HERC3: variants seen among roughly 807,000 people sequenced by gnomAD.
The protein encoded by HERC3 is probable E3 ubiquitin-protein ligase HERC3.
In HERC3, 58 loss-of-function variants were observed where a neutral mutation model predicts 129.9. That is an observed-to-expected ratio of 0.45 (90% CI 0.36 to 0.56). The LOEUF (loss-of-function observed/expected upper bound fraction) is 0.56, where lower values mean the gene tolerates loss of function less well. HERC3 is among the 20% of genes least tolerant of loss of function. HERC3 has a pLI of 0.00. For synonymous variants in HERC3, 430 were observed against 451.0 expected (o/e 0.95, Z 0.59); for missense variants, 835 against 1,244.2 (o/e 0.67, Z 4.95).
At chr4:88,672,585 T>C (rs1199470294) in intron 16 of HERC3, among the ~76,000 whole-genome samples, 1 of 152,248 alleles carries the variant, frequency 6.6e-6, no homozygotes, top group East Asian at 1.9e-4. Context: ...TTGGCATTTT[T>C]AGCTTGTTAA....
At chr4:88,678,196 T>G in intron 19 of HERC3, 62 bp downstream of exon 19, 1 of 1,424,930 alleles carries the variant, frequency 7.0e-7, no homozygotes, top group African/African-American at 1.4e-5. Flanking sequence ...CAGTGTTGAT[T>G]AAGCAGCAGT....
intron 9 of HERC3, among the ~76,000 whole-genome samples, chr4:88,658,095 A>C (rs1730113196): frequency 6.6e-6 from 1 of 152,204 alleles, no homozygotes; most frequent in Non-Finnish European, 1.5e-5. Context: ...TGTTACCATA[A>C]AGAATAGTGC....
intron 12 of HERC3, among the ~76,000 whole-genome samples, chr4:88,664,605 G>A (rs1460332967): frequency 1.3e-5 from 2 of 152,158 alleles, no homozygotes; most frequent in African/African-American, 4.8e-5. Context: ...ATTACCGAGA[G>A]AGACTGTATC....
At chr4:88,616,262 A>G (rs532785898) in intron 3 of HERC3, among the ~76,000 whole-genome samples, 12 of 152,338 alleles carry the variant, frequency 7.9e-5, no homozygotes, top group African/African-American at 2.6e-4. Context: ...CTGATTATCC[A>G]CATATGGACA....
intron 10 of HERC3, among the ~76,000 whole-genome samples, chr4:88,660,805 G>T (rs1307599213): frequency 2.0e-5 from 3 of 152,016 alleles, no homozygotes; most frequent in African/African-American, 7.3e-5. Context: ...CTGCCTACTG[G>T]AATCACCTGG....
At chr4:88,577,883 A>G in the HERC3 span, among the ~76,000 whole-genome samples, 1 of 152,268 alleles carries the variant, frequency 6.6e-6, no homozygotes, top group East Asian at 1.9e-4. Flanking sequence ...TAGAGCTTCA[A>G]ATGACTTTAG....
chr4:88,581,576 G>T, the HERC3 span, among the ~76,000 whole-genome samples: 2 of 151,960 alleles, frequency 1.3e-5, no homozygotes, highest in Non-Finnish European at 2.9e-5. Flanking sequence ...AAAGTATTGG[G>T]ATTACAGGTG....
At chr4:88,577,977 TA>T in the HERC3 span, among the ~76,000 whole-genome samples, 1 of 152,204 alleles carries the variant, frequency 6.6e-6, no homozygotes, top group Non-Finnish European at 1.5e-5. Context: ...TCTGTAACAC[TA>T]GAAGATTCAT....
At chr4:88,676,133 T>G in intron 16 of HERC3, 85 bp from the exon 17 acceptor site, 1 of 1,012,332 alleles carries the variant, frequency 9.9e-7, no homozygotes, top group East Asian at 2.4e-5. Flanking sequence ...GGTTCTGTGT[T>G]TTGTTATTTA....
chr4:88,674,391 G>GT (rs2149307373), intron 16 of HERC3, among the ~76,000 whole-genome samples: 1 of 152,332 alleles, frequency 6.6e-6, no homozygotes, highest in South Asian at 2.1e-4. Flanking sequence ...CTCGGACTCT[G>GT]TAATGCCAGA....
At chr4:88,537,621 A>G in the HERC3 span, among the ~76,000 whole-genome samples, 41 of 152,318 alleles carry the variant, frequency 2.7e-4, 1 homozygote, top group Middle Eastern at 6.8e-3. Context: ...TACAGGGATG[A>G]GGTTATATTG....
Position 88,605,930 on chromosome 4 carries a change from T to C in HERC3, c.107T>C (p.Val36Ala). 6.2e-7 allele frequency: 1 copy of C among 1,614,100 alleles called. No homozygotes were observed. The part of the protein sequence containing the change: ...QVCGFISDRS[V>A]KEVACGGNHS... The stretch of plus-strand genomic sequence containing the variant: ...TGTGGGTTCATATCTGACAGAAGTG[T>C]CAAGGAAGTGGCCTGTGGGGGAAAC... The change falls in exon 3 of 26, where the codon GTC becomes GCC. Residue 36 changes from valine to alanine, a missense_variant. Val to Ala is a moderately conservative substitution (Grantham distance 64). Transcript: ENST00000402738.
At chr4:88,563,375 G>T in the HERC3 span, among the ~76,000 whole-genome samples, 4 of 152,096 alleles carry the variant, frequency 2.6e-5, no homozygotes, top group Admixed American at 2.6e-4. Flanking sequence ...TACTGAATTT[G>T]TTTATCAGTG....
chr4:88,633,478 G>A (rs1225582811), intron 3 of HERC3, among the ~76,000 whole-genome samples: 1 of 152,132 alleles, frequency 6.6e-6, no homozygotes. Context: ...TTGATTCTAA[G>A]TAAGCTCTGA....
At chr4:88,530,848 A>G in the HERC3 span, among the ~76,000 whole-genome samples, 2 of 152,032 alleles carry the variant, frequency 1.3e-5, no homozygotes, top group African/African-American at 4.8e-5. Flanking sequence ...GAGGAATAGT[A>G]TTTTATTTTT....
the HERC3 span, among the ~76,000 whole-genome samples, chr4:88,547,112 ATAT>A: frequency 2.0e-5 from 3 of 152,206 alleles, no homozygotes; most frequent in Non-Finnish European, 4.4e-5. Flanking sequence ...GTTTAAGACA[ATAT>A]TATGTTTAAT....
rs565043266 is a variant in HERC3, at chr4:88,693,848, T to A, written c.2657+6549T>A. 2.6e-4 allele frequency among the ~76,000 whole-genome samples: 39 copies of A among 152,362 alleles called. 1 individual carries two copies. The highest frequency in any genetic ancestry group is 9.1e-4 in the African/African-American group (38 of 41,582). On this transcript the variant is annotated intron_variant, in intron 23 of 25. Transcript: ENST00000402738. The stretch of plus-strand genomic sequence containing the variant: ...GCCAGTTATTTTGTGCTTTGTTGAC[T>A]AATTTTGGCCTATAATAGGTTAAAA...
At chr4:88,647,798 A>C in intron 3 of HERC3, among the ~76,000 whole-genome samples, 1 of 148,454 alleles carries the variant, frequency 6.7e-6, no homozygotes, top group Non-Finnish European at 1.5e-5. Context: ...CTATCATTTC[A>C]ACTCTTTAGC....
At chr4:88,693,377 C>T in intron 23 of HERC3, 2 of 964,322 alleles carry the variant, frequency 2.1e-6, no homozygotes, top group Non-Finnish European at 2.5e-6. Context: ...ATGAATTATA[C>T]TCCCTTATAT....
Sources: allele counts gnomAD v4.1 joint callset (sites outside exome capture counted in the v4.1 genomes callset), GRCh38; gene constraint gnomAD v4.1.1; transcripts MANE v1.5; gene names NCBI Gene and HGNC (gene_info 2026-07-23, HGNC 2026-07-21).